The following AK9 variants were observed in gnomAD, a reference collection of about 807,000 sequenced individuals.
The protein encoded by AK9 is adenylate kinase domain containing 1.
In AK9, 191 loss-of-function variants were observed where a neutral mutation model predicts 239.6. The observed-to-expected ratio is 0.80, with a 90% CI of 0.71 to 0.90. The LOEUF is 0.90. AK9 is among the 40% of genes least tolerant of loss of function. AK9 has a pLI of 0.00. For missense variants in AK9, 1,995 were observed against 2,214.7 expected (o/e 0.90, Z 1.99); for synonymous variants, 689 against 721.0 (o/e 0.96, Z 0.71).
intron 10 of AK9, among the ~76,000 whole-genome samples, chr6:109,640,718 T>A (rs1797315879): frequency 6.6e-6 from 1 of 152,052 alleles, no homozygotes; most frequent in Non-Finnish European, 1.5e-5. Flanking sequence ...ATGCGTTTTT[T>A]AAAAATAATT....
intron 1 of AK9, among the ~76,000 whole-genome samples, chr6:109,679,436 A>G (rs6568592): frequency 0.35 from 52,622 of 151,998 alleles, 9,582 homozygotes; most frequent in South Asian, 0.44. Context: ...CTCTGAAAAA[A>G]AAAGGCAGCA....
chr6:109,666,410 T>C (rs933404675), intron 5 of AK9, among the ~76,000 whole-genome samples: 2 of 152,192 alleles, frequency 1.3e-5, no homozygotes. Flanking sequence ...CCACCCCACA[T>C]GTCCTTGAGA....
chr6:109,585,139 CT>C lies in AK9; in HGVS notation c.2097del (p.Glu700LysfsTer13), dbSNP rs753010985. ...AGATTTTACCTTGCTTCTTCTTCTT[CT>C]TTTTTTTTCTTTTGTAGTTCTTCTA... ...RLLEELQKKK[K>X]EEEEARKATE... On this transcript the variant is annotated frameshift_variant, in exon 19 of 41. Coordinates refer to ENST00000424296, the MANE Select transcript of AK9 (RefSeq NM_001145128.3). LOFTEE classifies it high-confidence loss of function. 1.8e-4 allele frequency: 144 copies of C among 821,102 alleles called. No homozygotes were observed. Among genetic ancestry groups the C allele is most frequent in the Admixed American group, 8.2e-4 (18 of 21,926 alleles). 50.9% of individuals were successfully genotyped at this position (821,102 alleles called of 1,614,324 possible).
intron 8 of AK9, among the ~76,000 whole-genome samples, chr6:109,649,921 A>C (rs1798669872): frequency 6.6e-6 from 1 of 152,080 alleles, no homozygotes; most frequent in African/African-American, 2.4e-5. Flanking sequence ...AGGCCTCAGA[A>C]ATAATGCCGC....
At chr6:109,596,017 T>G (rs1175857199) in intron 17 of AK9, among the ~76,000 whole-genome samples, 6 of 151,194 alleles carry the variant, frequency 4.0e-5, no homozygotes, top group Admixed American at 6.6e-5. Flanking sequence ...AAAAGAAAAA[T>G]AAATAAATAA....
chr6:109,503,328 G>T (rs1032993532), intron 35 of AK9, among the ~76,000 whole-genome samples: 2 of 151,942 alleles, frequency 1.3e-5, no homozygotes, highest in African/African-American at 4.8e-5. Context: ...TTAGTGACAG[G>T]GTAATTTAGA....
At chr6:109,597,448 A>G (rs1014973462) in intron 17 of AK9, among the ~76,000 whole-genome samples, 1 of 152,072 alleles carries the variant, frequency 6.6e-6, no homozygotes, top group Non-Finnish European at 1.5e-5. Flanking sequence ...CGAGGCGGGC[A>G]GATCACGAGG....
intron 20 of AK9, among the ~76,000 whole-genome samples, chr6:109,576,084 A>G (rs1001859599): frequency 2.0e-5 from 3 of 152,078 alleles, no homozygotes; most frequent in African/African-American, 7.2e-5. Context: ...TCCTTGAAGT[A>G]TAGTTTGAAG....
chr6:109,606,375 C>T lies in AK9; in HGVS notation c.1842+3990G>A, dbSNP rs77281557. 8.9e-3 allele frequency among the ~76,000 whole-genome samples: 1,347 copies of T among 151,998 alleles called. 22 individuals carry two copies. The highest frequency in any genetic ancestry group is 0.03 in the African/African-American group (1,232 of 41,462). On this transcript the variant is annotated intron_variant, in intron 17 of 40. Coordinates refer to ENST00000424296, the MANE Select transcript of AK9 (RefSeq NM_001145128.3). The stretch of plus-strand genomic sequence containing the variant: ...ATGTAGGAGGCACAGAAAGACATAA[C>T]GACAGTGCCAAGTACATGGTGCGAA...
At chr6:109,637,214 C>T (rs1239992421) in intron 10 of AK9, among the ~76,000 whole-genome samples, 3 of 152,154 alleles carry the variant, frequency 2.0e-5, no homozygotes, top group Admixed American at 6.5e-5. Flanking sequence ...AATGTCTATT[C>T]AAATCCTTTG....
rs879464048 is a variant in AK9, at chr6:109,651,248, G to GA, written c.759+5507dup. ...AAGAATAATAATAATACAATTAAAAGAAAAAAAAAAGAAACTCACTAAAAG... is the reference window on the plus strand; with the variant it reads ...AAGAATAATAATAATACAATTAAAAGAAAAAAAAAAAGAAACTCACTAAAAG... On this transcript the variant is annotated intron_variant, in intron 8 of 40. Coordinates refer to ENST00000424296, the MANE Select transcript of AK9 (RefSeq NM_001145128.3). Among the ~76,000 whole-genome samples the GA allele has an allele frequency of 1.4e-3, 200 of 144,538 alleles. 1 individual carries two copies. Among genetic ancestry groups the GA allele is most frequent in the South Asian group, 2.8e-3 (13 of 4,590 alleles). The allele number at this position is 144,538 out of a possible 152,430, so 94.8% of individuals were successfully genotyped here.
intron 1 of AK9, among the ~76,000 whole-genome samples, chr6:109,683,735 C>T (rs183968193): frequency 4.6e-4 from 70 of 152,240 alleles, no homozygotes; most frequent in Non-Finnish European, 1.8e-4. Flanking sequence ...AACCACTGCT[C>T]AAGGAAATAG....
chr6:109,610,224 G>T, intron 17 of AK9, 141 bp downstream of exon 17: 1 of 1,066,482 alleles, frequency 9.4e-7, no homozygotes, highest in Non-Finnish European at 1.3e-6. Flanking sequence ...ACTTAACAAT[G>T]CTGACTACAA....
chr6:109,515,458 T>G (rs1022637842), intron 31 of AK9, among the ~76,000 whole-genome samples: 11 of 152,190 alleles, frequency 7.2e-5, no homozygotes, highest in Non-Finnish European at 1.5e-4. Context: ...TGGGCAAGTG[T>G]CAGCCATCCC....
intron 24 of AK9, chr6:109,550,670 C>T (rs147738252): frequency 1.8e-3 from 298 of 161,246 alleles, no homozygotes; most frequent in Middle Eastern, 9.3e-3. Context: ...AAGGTCACAA[C>T]TTCTTACCCA....
Position 109,614,373 on chromosome 6 carries a change from A to G in AK9, c.1495+12T>C, listed in dbSNP as rs1793916877. 6 of 1,550,132 alleles carry G rather than the reference A, an allele frequency of 3.9e-6. No homozygotes were observed. In the South Asian group the frequency reaches 4.8e-5, roughly 12 times the overall value. On this transcript the variant is annotated intron_variant, in intron 14 of 40. Coordinates refer to ENST00000424296, the MANE Select transcript of AK9 (RefSeq NM_001145128.3). ...TGATTTGGTCAATAACATCAGCAAT[A>G]TATTTCTTTACCTTCTTCATCAATT...
At chr6:109,538,549 C>G (rs1562373419) in intron 27 of AK9, among the ~76,000 whole-genome samples, 1 of 152,102 alleles carries the variant, frequency 6.6e-6, no homozygotes, top group Non-Finnish European at 1.5e-5. Context: ...TGGGTCTTGA[C>G]TCTTTATCCA....
At position 109,533,231 on chromosome 6, in the gene AK9, C is replaced by G. The variant is rs759268376; in HGVS notation, c.3570+20G>C. On this transcript the variant is annotated intron_variant, in intron 28 of 40. Transcript: ENST00000424296. ...AGATGCTGAACAGATTTATTCAATGCATTTTTGCTAGATACATACCCTGAT... is the reference window on the plus strand; with the variant it reads ...AGATGCTGAACAGATTTATTCAATGGATTTTTGCTAGATACATACCCTGAT... 1 of 1,555,926 alleles carries G rather than the reference C, an allele frequency of 6.4e-7. No homozygotes were observed. Among genetic ancestry groups the G allele is most frequent in the South Asian group, 1.2e-5 (1 of 82,794 alleles).
intron 5 of AK9, among the ~76,000 whole-genome samples, chr6:109,667,054 G>C (rs540419587): frequency 6.6e-6 from 1 of 152,256 alleles, no homozygotes; most frequent in Admixed American, 6.5e-5. Flanking sequence ...ATATAGCTCC[G>C]AGAAGCTGAT....
Sources: allele counts gnomAD v4.1 joint callset (sites outside exome capture counted in the v4.1 genomes callset), GRCh38; gene constraint gnomAD v4.1.1; transcripts MANE v1.5; gene names NCBI Gene and HGNC (gene_info 2026-07-23, HGNC 2026-07-21).